The following HECA variants were observed in gnomAD, a reference collection of about 807,000 sequenced individuals.
HECA encodes the protein HECA ribonucleoprotein granule regulator.
HECA carries 13 observed loss-of-function variants against 37.6 expected under a neutral mutation model. The ratio of observed to expected loss-of-function variants is 0.35; its 90% CI spans 0.23 to 0.55. The LOEUF (loss-of-function observed/expected upper bound fraction) is 0.55, where lower values mean the gene tolerates loss of function less well. Ranked by LOEUF, HECA falls within the 20% of genes least tolerant of loss-of-function variation. The pLI, the probability that HECA is intolerant of heterozygous loss-of-function variation, is 0.90. For synonymous variants in HECA, 307 were observed against 291.5 expected, an observed-to-expected ratio of 1.05 and a Z score of -0.54; for missense variants, 527 against 701.9, an observed-to-expected ratio of 0.75 and a Z score of 2.82.
At chr6:139,161,816 T>C (rs1346822494) in intron 1 of HECA, among the ~76,000 whole-genome samples, 1 of 152,216 alleles carries the variant, frequency 6.6e-6, no homozygotes, top group Non-Finnish European at 1.5e-5. Context: ...ACTTCAAGGC[T>C]CTTCATCTGA....
Position 139,141,786 on chromosome 6 carries a change from C to A in HECA, c.271+6119C>A, listed in dbSNP as rs922138657. ...TTTTTTTTTTTGAGACAGAGTCTCA[C>A]TATGTCACCAGGCTAGAGTGTAGTG... On this transcript the variant is annotated intron_variant, in intron 1 of 3. Coordinates refer to ENST00000367658, the MANE Select transcript of HECA (RefSeq NM_016217.3). Among the ~76,000 whole-genome samples, 4 of 147,066 alleles carry A rather than the reference C, an allele frequency of 2.7e-5. No homozygotes were observed. The South Asian group carries it at 8.6e-4, about 32-fold the overall frequency.
At position 139,135,441 on chromosome 6, in the gene HECA, C is replaced by A. The variant is rs1774418282; in HGVS notation, c.45C>A (p.Arg15=). Residue 15 remains arginine, a synonymous_variant, in exon 1 of 4, where the codon CGC becomes CGA. Coordinates refer to ENST00000367658, the MANE Select transcript of HECA (RefSeq NM_016217.3). ...GCAAAGGCGGCCGCAAAAACAAGCG[C>A]GCCAACAGCAGCGGCGACGAGCAGG... ...KNSKGGRKNK[R]ANSSGDEQEN... The A allele has an allele frequency of 1.5e-6, 2 of 1,375,070 alleles. No individual in the cohort carries two copies. The highest frequency in any genetic ancestry group is 2.7e-5 in the South Asian group (2 of 73,326). 85.2% of individuals were successfully genotyped at this position (1,375,070 alleles called of 1,614,324 possible).
In HECA at chr6:139,178,299, C is replaced by T. The variant is rs1014249218; in HGVS notation, c.*1194C>T. ...GAGCATTGGGCATTCCAAAATACAG[C>T]CTTTGGTTCAGTAGATTTTAATGCT... On this transcript the variant is annotated 3_prime_UTR_variant, in exon 4 of 4. Coordinates refer to ENST00000367658, the MANE Select transcript of HECA (RefSeq NM_016217.3). 1 of 152,052 alleles carries T rather than the reference C, an allele frequency of 6.6e-6. No individual in the cohort carries two copies. Among genetic ancestry groups the T allele is most frequent in the Non-Finnish European group, 1.5e-5 (1 of 68,024 alleles). 9.4% of individuals were successfully genotyped at this position (152,052 alleles called of 1,614,324 possible).
At chr6:139,144,035 G>A (rs1015305471) in intron 1 of HECA, among the ~76,000 whole-genome samples, 13 of 152,118 alleles carry the variant, frequency 8.5e-5, no homozygotes, top group South Asian at 2.1e-4. Context: ...CTGAAAGGAG[G>A]TGAGGAGCCC....
At chr6:139,145,753 T>C (rs941922770) in intron 1 of HECA, among the ~76,000 whole-genome samples, 5 of 152,166 alleles carry the variant, frequency 3.3e-5, no homozygotes, top group South Asian at 2.1e-4. Flanking sequence ...AGGGAACTTA[T>C]GGGAAAACAA....
chr6:139,180,373 G>C lies in HECA; in HGVS notation c.*3268G>C, dbSNP rs559477964. 6.6e-6 allele frequency: 1 copy of C among 152,654 alleles called. No individual in the cohort carries two copies. The highest frequency in any genetic ancestry group is 6.5e-5 in the Admixed American group (1 of 15,288). The allele number at this position is 152,654 out of a possible 1,614,324, so 9.5% of individuals were successfully genotyped here. ...AAGACTGATGCTTAATACACAGTCT[G>C]TTCTCCTGTGTCTAGGTCAGGAACT... is the stretch of plus-strand genomic sequence containing the variant. On this transcript the variant is annotated 3_prime_UTR_variant, in exon 4 of 4. Transcript: ENST00000367658.
chr6:139,149,641 T>C (rs1008416944), intron 1 of HECA, among the ~76,000 whole-genome samples: 1 of 152,196 alleles, frequency 6.6e-6, no homozygotes, highest in Admixed American at 6.5e-5. Context: ...GAGCCTTTCG[T>C]TTCTCTGCAA....
Position 139,164,078 on chromosome 6 carries a change from A to ACTCTCTCTCT in HECA, c.272-2205_272-2204insTCTCTCTCTC, listed in dbSNP as rs1334773429. Among the ~76,000 whole-genome samples the ACTCTCTCTCT allele has an allele frequency of 8.9e-3, 697 of 78,620 alleles. 1 individual carries two copies. The highest frequency in any genetic ancestry group is 0.013 in the Non-Finnish European group (474 of 37,192). 51.6% of individuals were successfully genotyped at this position (78,620 alleles called of 152,430 possible). ...CACACACACACACAAACACACACAC[A>ACTCTCTCTCT]CACTCTCTCTCTCTCTCTCTCTGAG... On this transcript the variant is annotated intron_variant, in intron 1 of 3. Transcript: ENST00000367658.
chr6:139,156,645 C>A (rs1285177777), intron 1 of HECA, among the ~76,000 whole-genome samples: 1 of 152,300 alleles, frequency 6.6e-6, no homozygotes, highest in South Asian at 2.1e-4. Context: ...ATGAAATAAA[C>A]TCAGAAGTAT....
chr6:139,161,935 T>C (rs1774809813), intron 1 of HECA, among the ~76,000 whole-genome samples: 1 of 152,234 alleles, frequency 6.6e-6, no homozygotes, highest in Non-Finnish European at 1.5e-5. Flanking sequence ...TTCAAACCAC[T>C]CTTCTACTTC....
chr6:139,149,680 A>G (rs908430508), intron 1 of HECA, among the ~76,000 whole-genome samples: 1 of 152,118 alleles, frequency 6.6e-6, no homozygotes, highest in African/African-American at 2.4e-5. Context: ...TTGCTGTGCA[A>G]ATTTTGCCCA....
chr6:139,141,908 A>C (rs1234302563), intron 1 of HECA, among the ~76,000 whole-genome samples: 1 of 143,476 alleles, frequency 7.0e-6, no homozygotes, highest in African/African-American at 2.6e-5. Context: ...ACATGCCACC[A>C]TGCCCAGCTA....
intron 1 of HECA, among the ~76,000 whole-genome samples, chr6:139,157,816 C>T (rs970070292): frequency 5.9e-5 from 9 of 152,032 alleles, no homozygotes; most frequent in South Asian, 2.1e-4. Flanking sequence ...AGGATTGAGG[C>T]GAGGCACAGG....
intron 1 of HECA, among the ~76,000 whole-genome samples, chr6:139,142,581 C>A (rs1029165447): frequency 3.3e-5 from 5 of 152,128 alleles, no homozygotes; most frequent in African/African-American, 4.8e-5. Context: ...GAATTTGGAG[C>A]AGATGCTGTC....
intron 2 of HECA, among the ~76,000 whole-genome samples, chr6:139,168,065 C>A (rs1774918338): frequency 6.6e-6 from 1 of 152,104 alleles, no homozygotes; most frequent in Non-Finnish European, 1.5e-5. Flanking sequence ...TGATATATCC[C>A]CACCTGTCTC....
intron 1 of HECA, among the ~76,000 whole-genome samples, chr6:139,160,447 T>C (rs1271399236): frequency 1.3e-5 from 2 of 152,170 alleles, no homozygotes; most frequent in Non-Finnish European, 2.9e-5. Flanking sequence ...TGCTGTTCTG[T>C]TTTTAGTTTG....
At chr6:139,161,843 CA>C (rs977139369) in intron 1 of HECA, among the ~76,000 whole-genome samples, 7 of 152,306 alleles carry the variant, frequency 4.6e-5, no homozygotes, top group African/African-American at 1.7e-4. Context: ...AAGATAAAAA[CA>C]ACTACACTTA....
At chr6:139,145,533 G>A (rs190278651) in intron 1 of HECA, among the ~76,000 whole-genome samples, 24 of 152,130 alleles carry the variant, frequency 1.6e-4, no homozygotes, top group South Asian at 2.1e-4. Context: ...ATATATACAC[G>A]TAATATAGTG....
At chr6:139,161,119 A>AT (rs1774796179) in intron 1 of HECA, among the ~76,000 whole-genome samples, 1 of 152,000 alleles carries the variant, frequency 6.6e-6, no homozygotes, top group East Asian at 1.9e-4. Flanking sequence ...GAAGGAAATA[A>AT]TGTCCGAGTT....
Sources: gnomAD v4.1 joint callset for allele counts (sites outside exome capture counted in the v4.1 genomes callset) on GRCh38, gnomAD v4.1.1 for gene constraint, MANE v1.5 for transcripts, NCBI Gene and HGNC (gene_info 2026-07-23, HGNC 2026-07-21) for gene names.